COG1: variants seen among roughly 807,000 people sequenced by gnomAD.
COG1 encodes conserved oligomeric Golgi complex subunit 1.
Under a neutral mutation model 102.2 loss-of-function variants are expected in COG1, and 61 were observed. The ratio of observed to expected loss-of-function variants is 0.60; its 90% CI spans 0.49 to 0.74. The LOEUF (loss-of-function observed/expected upper bound fraction) is 0.74, where lower values mean the gene tolerates loss of function less well. Among genes scored for constraint, COG1 ranks in the 30% least tolerant of loss-of-function variants. The pLI, the probability that COG1 is intolerant of heterozygous loss-of-function variation, is 0.00. For synonymous variants in COG1, 454 were observed against 493.6 expected (o/e 0.92, Z 1.06); for missense variants, 1,164 against 1,232.1 (o/e 0.94, Z 0.83).
At position 73,205,632 on chromosome 17, in the gene COG1, C is replaced by T. The variant is rs1313233848; in HGVS notation, c.2462C>T (p.Thr821Ile). The change falls in exon 10 of 14, where the codon ACA becomes ATA. Residue 821 changes from threonine (T) to isoleucine (I), a missense_variant. Transcript: ENST00000299886. ...YDLRYLNIVL[T>I]AKGDEVKSGR... ...CTGCGTTACCTCAACATTGTTCTGA[C>T]AGCCAAGGGTGACGAGGTGAAGAGT... 1.2e-6 allele frequency: 2 copies of T among 1,614,026 alleles called. No homozygotes were observed. The highest frequency in any genetic ancestry group is 2.7e-5 in the African/African-American group (2 of 74,920).
intron 9 of COG1, chr17:73,205,202 G>A (rs2061363103): frequency 3.2e-6 from 1 of 310,604 alleles, no homozygotes; most frequent in Non-Finnish European, 6.2e-6. Flanking sequence ...ACCCAAGAAG[G>A]AACAAATCCT....
In COG1 at chr17:73,197,399, G is replaced by A; in HGVS notation, c.913+3G>A. On this transcript the variant is annotated splice_donor_region_variant and intron_variant, in intron 4 of 13. Transcript: ENST00000299886. ...CATCACAGGCCAGCATCCTGCCGGT[G>A]AGCTCTTAGCCAAGCTTTTTAAATT... 3 of 1,613,956 alleles carry A rather than the reference G, an allele frequency of 1.9e-6. No individual in the cohort carries two copies. Among genetic ancestry groups the A allele is most frequent in the Non-Finnish European group, 2.5e-6 (3 of 1,180,042 alleles).
In COG1 at chr17:73,197,219, C is replaced by A. The variant is rs760704761; in HGVS notation, c.743-7C>A. 6.2e-7 allele frequency: 1 copy of A among 1,614,208 alleles called. No individual in the cohort carries two copies. The highest frequency in any genetic ancestry group is 8.5e-7 in the Non-Finnish European group (1 of 1,180,036). ...ATTGTTTCAAAGAGGATGGTTTCTTCTTTTAGGTGCTGGTATCAAGGCTCA... is the reference window on the plus strand; with the variant it reads ...ATTGTTTCAAAGAGGATGGTTTCTTATTTTAGGTGCTGGTATCAAGGCTCA... On this transcript the variant is annotated splice_polypyrimidine_tract_variant and splice_region_variant and intron_variant, in intron 3 of 13. Coordinates refer to ENST00000299886, the MANE Select transcript of COG1 (RefSeq NM_018714.3).
chr17:73,203,730 G>A lies in COG1; in HGVS notation c.2319G>A (p.Leu773=). ...ALPKVTLQEM[L]KSCMVQVVAA... ...CAAAGGTGACATTACAGGAGATGCT[G>A]AAAAGCTGTATGGTTCAAGTAGTAG... is the stretch of plus-strand genomic sequence containing the variant. Residue 773 remains leucine, a synonymous_variant, in exon 9 of 14, where the codon CTG becomes CTA. Coordinates refer to ENST00000299886, the MANE Select transcript of COG1 (RefSeq NM_018714.3). The A allele has an allele frequency of 6.2e-7, 1 of 1,614,232 alleles. No individual in the cohort carries two copies.
chr17:73,201,741 C>T lies in COG1; in HGVS notation c.1914C>T (p.Ser638=), dbSNP rs2061347978. ...AGTGCATCCTGGGAAAATCAGAGAGCTCAGAGAAACCAGCAAGGGAGTTTA... is the reference window on the plus strand; with the variant it reads ...AGTGCATCCTGGGAAAATCAGAGAGTTCAGAGAAACCAGCAAGGGAGTTTA... ...LKQCILGKSE[S]SEKPAREFRA... The change falls in exon 7 of 14, where the codon AGC becomes AGT. Residue 638 remains serine, a synonymous_variant. Transcript: ENST00000299886. 6.2e-7 allele frequency: 1 copy of T among 1,614,004 alleles called. No individual in the cohort carries two copies. The highest frequency in any genetic ancestry group is 1.3e-5 in the African/African-American group (1 of 74,912).
intron 1 of COG1, among the ~76,000 whole-genome samples, chr17:73,196,025 T>C (rs966603689): frequency 6.6e-6 from 1 of 152,188 alleles, no homozygotes; most frequent in Non-Finnish European, 1.5e-5. Context: ...ATAACACAAG[T>C]GTATTTTTCA....
At chr17:73,193,841 C>G (rs1043024853) in intron 1 of COG1, among the ~76,000 whole-genome samples, 8 of 152,116 alleles carry the variant, frequency 5.3e-5, no homozygotes, top group African/African-American at 1.9e-4. Context: ...GAATAACTTC[C>G]ACAACCCCAA....
At position 73,196,374 on chromosome 17, in the gene COG1, G is replaced by A. The variant is rs1181531660; in HGVS notation, c.316-133G>A. 4 of 1,317,516 alleles carry A rather than the reference G, an allele frequency of 3.0e-6. No individual in the cohort carries two copies. In the East Asian group the frequency reaches 9.2e-5, roughly 30 times the overall value. 81.6% of individuals were successfully genotyped at this position (1,317,516 alleles called of 1,614,324 possible). A position where few individuals can be genotyped will look rare whatever the true frequency, so the allele number is the denominator to read the frequency against. ...CTTCTACACTGGGCTTTGATGACTT[G>A]CTGAGTTGTACTGAACCCAGCTTAA... On this transcript the variant is annotated intron_variant, in intron 1 of 13. Transcript: ENST00000299886.
At chr17:73,197,986 T>C (rs981249416) in intron 4 of COG1, among the ~76,000 whole-genome samples, 2 of 152,228 alleles carry the variant, frequency 1.3e-5, no homozygotes, top group African/African-American at 2.4e-5. Flanking sequence ...CCCTCTGTTA[T>C]GTGTGCCCGT....
At chr17:73,194,686 A>G (rs982749555) in intron 1 of COG1, among the ~76,000 whole-genome samples, 7 of 152,058 alleles carry the variant, frequency 4.6e-5, no homozygotes, top group African/African-American at 1.4e-4. Flanking sequence ...CTGGTCTCCA[A>G]CCCCTGACCT....
Position 73,203,662 on chromosome 17 carries a change from A to G in COG1, c.2251A>G (p.Ser751Gly). 1 of 1,614,208 alleles carries G rather than the reference A, an allele frequency of 6.2e-7. No homozygotes were observed. The highest frequency in any genetic ancestry group is 1.1e-5 in the South Asian group (1 of 91,088). Reference protein sequence around the residue: ...PSWYVQSFLFSLCQEINRVGG... With the variant: ...PSWYVQSFLFGLCQEINRVGG... ...CTGGTATGTACAGTCCTTCCTGTTT[A>G]GTTTATGCCAGGAAATTAATCGGGT... Residue 751 changes from serine to glycine, a missense_variant, in exon 9 of 14, where the codon AGT becomes GGT. Coordinates refer to ENST00000299886, the MANE Select transcript of COG1 (RefSeq NM_018714.3).
In COG1 at chr17:73,201,582, C is replaced by T; in HGVS notation, c.1755C>T (p.Ile585=). The change falls in exon 7 of 14, where the codon ATC becomes ATT. Residue 585 remains isoleucine, a synonymous_variant. Transcript: ENST00000299886. ...VACIKHIVDC[I]RAELQSIEEG... ...GCATCAAGCACATCGTGGACTGCAT[C>T]CGGGCAGAGCTACAGAGCATTGAAG... The T allele has an allele frequency of 6.2e-7, 1 of 1,614,202 alleles. No homozygotes were observed. The highest frequency in any genetic ancestry group is 1.1e-5 in the South Asian group (1 of 91,092).
intron 8 of COG1, 48 bp from the exon 9 acceptor site, chr17:73,203,584 C>A: frequency 1.2e-6 from 2 of 1,606,844 alleles, no homozygotes; most frequent in South Asian, 2.2e-5. Context: ...CACTGTGTGT[C>A]ATTTAATTGG....
Position 73,206,269 on chromosome 17 carries a change from C to G in COG1, c.2619+7C>G. On this transcript the variant is annotated splice_region_variant and intron_variant, in intron 11 of 13. Transcript: ENST00000299886. ...CCTGGTGCAGCGAACTTCTGTGAGTCAAATCAAAAACATGCTTAGTGCGAA... is the reference window on the plus strand; with the variant it reads ...CCTGGTGCAGCGAACTTCTGTGAGTGAAATCAAAAACATGCTTAGTGCGAA... The G allele has an allele frequency of 1.2e-6, 2 of 1,610,540 alleles. No individual in the cohort carries two copies. Among genetic ancestry groups the G allele is most frequent in the South Asian group, 1.1e-5 (1 of 90,972 alleles).
chr17:73,202,375 A>G (rs2061350900), intron 7 of COG1, among the ~76,000 whole-genome samples: 2 of 152,158 alleles, frequency 1.3e-5, no homozygotes, highest in Admixed American at 6.5e-5. Flanking sequence ...GCTTAGATTC[A>G]GTAGACAGAA....
At chr17:73,208,188 G>C in intron 13 of COG1, 126 bp from the exon 14 acceptor site, 1 of 1,568,676 alleles carries the variant, frequency 6.4e-7, no homozygotes, top group Non-Finnish European at 8.6e-7. Flanking sequence ...CCTCTGACTA[G>C]AGCCATCGTG....
intron 13 of COG1, chr17:73,207,931 GT>G (rs2061388414): frequency 8.5e-7 from 1 of 1,183,270 alleles, no homozygotes; most frequent in African/African-American, 1.6e-5. Context: ...GGAGATGGTA[GT>G]TTAAAAAAAA....
chr17:73,195,971 T>C (rs1013450118), intron 1 of COG1, among the ~76,000 whole-genome samples: 2 of 152,214 alleles, frequency 1.3e-5, no homozygotes, highest in Admixed American at 1.3e-4. Flanking sequence ...GGTTTCTTAG[T>C]CCATTTGTGC....
At chr17:73,206,010 G>C in intron 10 of COG1, 144 bp from the exon 11 acceptor site, 1 of 751,510 alleles carries the variant, frequency 1.3e-6, no homozygotes, top group Non-Finnish European at 2.3e-6. Context: ...GGTGACTTAA[G>C]CACTATCATC....
Sources: allele counts gnomAD v4.1 joint callset (sites outside exome capture counted in the v4.1 genomes callset), GRCh38; gene constraint gnomAD v4.1.1; transcripts MANE v1.5; gene names NCBI Gene and HGNC (gene_info 2026-07-23, HGNC 2026-07-21).